Variants in CCSER1 observed in about 807,000 individuals in gnomAD.
The protein encoded by CCSER1 is coiled-coil serine rich protein 1, also known as serine-rich coiled-coil domain-containing protein 1.
In CCSER1, 41 loss-of-function variants were observed where a neutral mutation model predicts 82.0. That is an observed-to-expected ratio of 0.50 (90% CI 0.39 to 0.65). CCSER1 has a LOEUF of 0.65. Ranked by LOEUF, CCSER1 falls within the 30% of genes least tolerant of loss-of-function variation. CCSER1 has a pLI of 0.00. For synonymous variants in CCSER1, 414 were observed against 383.9 expected, an observed-to-expected ratio of 1.08 and a Z score of -0.92; for missense variants, 1,119 against 1,064.2, an observed-to-expected ratio of 1.05 and a Z score of -0.72.
At chr4:91,296,226 G>A (rs1744151114) in intron 10 of CCSER1, among the ~76,000 whole-genome samples, 1 of 151,120 alleles carries the variant, frequency 6.6e-6, no homozygotes, top group South Asian at 2.1e-4. Context: ...GTTTCTGGCA[G>A]CCAAAAAAAG....
intron 4 of CCSER1, among the ~76,000 whole-genome samples, chr4:90,438,119 A>G (rs1298678471): frequency 3.3e-5 from 5 of 152,190 alleles, no homozygotes; most frequent in African/African-American, 7.2e-5. Context: ...TTGATACAGA[A>G]AAGTCAATAC....
At chr4:90,130,678 C>A (rs1453519789) in intron 1 of CCSER1, among the ~76,000 whole-genome samples, 2 of 152,014 alleles carry the variant, frequency 1.3e-5, no homozygotes, top group Non-Finnish European at 2.9e-5. Flanking sequence ...GGCTGGATTT[C>A]AGTGGCGCTA....
intron 10 of CCSER1, among the ~76,000 whole-genome samples, chr4:91,428,965 T>G (rs1050449337): frequency 1.3e-5 from 2 of 152,026 alleles, no homozygotes; most frequent in African/African-American, 4.8e-5. Flanking sequence ...GAGGTCTTCC[T>G]TATGCTTATC....
At chr4:91,429,317 C>A (rs17018506) in intron 10 of CCSER1, among the ~76,000 whole-genome samples, 15,922 of 151,786 alleles carry the variant, frequency 0.1, 855 homozygotes, top group African/African-American at 0.14. Flanking sequence ...CGTTCAAATG[C>A]ATCTTGCAGA....
Position 91,578,344 on chromosome 4 carries a change from G to GA in CCSER1, c.2218-20220dup, listed in dbSNP as rs544325264. Among the ~76,000 whole-genome samples, 85 of 151,108 alleles carry GA rather than the reference G, an allele frequency of 5.6e-4. No individual in the cohort carries two copies. In the East Asian group the frequency reaches 0.013, roughly 24 times the overall value. On this transcript the variant is annotated intron_variant, in intron 10 of 10. Coordinates refer to ENST00000509176, the MANE Select transcript of CCSER1 (RefSeq NM_001145065.2). ...TACTATTCTTTTCAATAAGATTTTT[G>GA]AAAAAAAATTTAAAACCATTTTATT... is the stretch of plus-strand genomic sequence containing the variant.
At chr4:91,569,101 T>C (rs953858183) in intron 10 of CCSER1, among the ~76,000 whole-genome samples, 2 of 152,164 alleles carry the variant, frequency 1.3e-5, no homozygotes, top group Non-Finnish European at 2.9e-5. Flanking sequence ...TTTCAGAAGG[T>C]GGTACATTAG....
In CCSER1 at chr4:91,603,189, A is replaced by G. The variant is rs557762516; in HGVS notation, c.*4132A>G. On this transcript the variant is annotated 3_prime_UTR_variant, in exon 11 of 11. Coordinates refer to ENST00000509176, the MANE Select transcript of CCSER1 (RefSeq NM_001145065.2). ...CTGAATTACACTGTAGTATAAAAGC[A>G]AACAGTCAACTAAGCAACCAAACAA... 3.9e-5 allele frequency: 6 copies of G among 152,254 alleles called. No individual in the cohort carries two copies. The East Asian group carries it at 1.2e-3, about 29-fold the overall frequency. 9.4% of individuals were successfully genotyped at this position (152,254 alleles called of 1,614,324 possible).
chr4:91,033,124 C>A (rs750482069), intron 9 of CCSER1, among the ~76,000 whole-genome samples: 9 of 151,962 alleles, frequency 5.9e-5, no homozygotes, highest in Non-Finnish European at 1.2e-4. Context: ...GTAAGTAATA[C>A]TATTCTACCT....
intron 8 of CCSER1, among the ~76,000 whole-genome samples, chr4:90,863,731 CAAAG>C (rs1765383381): frequency 6.6e-6 from 1 of 151,540 alleles, no homozygotes; most frequent in African/African-American, 2.4e-5. Context: ...AGAAAGGAGA[CAAAG>C]AAAGCAAGGG....
At chr4:90,624,205 T>C (rs1237577642) in intron 5 of CCSER1, among the ~76,000 whole-genome samples, 1 of 152,172 alleles carries the variant, frequency 6.6e-6, no homozygotes, top group Non-Finnish European at 1.5e-5. Flanking sequence ...TTCCCTATAA[T>C]GAAAGATGTC....
chr4:90,747,970 A>G (rs76551171), intron 7 of CCSER1, among the ~76,000 whole-genome samples: 8,615 of 151,778 alleles, frequency 0.057, 348 homozygotes, highest in Admixed American at 0.11. Flanking sequence ...TGTACCTACA[A>G]AGACATGAAC....
chr4:91,544,585 C>G (rs1317916019), intron 10 of CCSER1, among the ~76,000 whole-genome samples: 1 of 152,122 alleles, frequency 6.6e-6, no homozygotes, highest in South Asian at 2.1e-4. Flanking sequence ...CACTCCAGAC[C>G]CTGTTTGCCT....
intron 7 of CCSER1, among the ~76,000 whole-genome samples, chr4:90,783,553 C>T (rs1337800492): frequency 2.6e-5 from 4 of 152,112 alleles, no homozygotes; most frequent in East Asian, 1.9e-4. Context: ...CAGGTTCTTA[C>T]GGTAAGGAAC....
chr4:90,862,851 T>G (rs567737542), intron 8 of CCSER1, among the ~76,000 whole-genome samples: 1 of 151,452 alleles, frequency 6.6e-6, no homozygotes, highest in East Asian at 1.9e-4. Flanking sequence ...TAATAAACTT[T>G]AGGTTCAGAA....
In CCSER1 at chr4:90,403,655, A is replaced by G. The variant is rs117567897; in HGVS notation, c.1603+3526A>G. Among the ~76,000 whole-genome samples, 41 of 152,294 alleles carry G rather than the reference A, an allele frequency of 2.7e-4. No individual in the cohort carries two copies. In the East Asian group the frequency reaches 6.6e-3, roughly 24 times the overall value. On this transcript the variant is annotated intron_variant, in intron 4 of 10. Transcript: ENST00000509176. Reference sequence around the variant, plus strand: ...CAAAAGTCTGAAAAGTGAAATAATGATATCATTATATTCCACTGCTTATAT... The same window carrying G: ...CAAAAGTCTGAAAAGTGAAATAATGGTATCATTATATTCCACTGCTTATAT...
At chr4:91,457,786 G>A (rs1756271918) in intron 10 of CCSER1, among the ~76,000 whole-genome samples, 1 of 151,940 alleles carries the variant, frequency 6.6e-6, no homozygotes, top group African/African-American at 2.4e-5. Flanking sequence ...CAATCAAAAA[G>A]TGTAATTTTT....
At chr4:90,158,036 G>A (rs929183716) in intron 1 of CCSER1, among the ~76,000 whole-genome samples, 10 of 152,146 alleles carry the variant, frequency 6.6e-5, no homozygotes, top group South Asian at 2.1e-4. Context: ...TGATGGTGAT[G>A]TACAGATGGG....
chr4:91,094,859 A>G (rs1410248875), intron 10 of CCSER1, among the ~76,000 whole-genome samples: 4 of 152,134 alleles, frequency 2.6e-5, no homozygotes, highest in Non-Finnish European at 5.9e-5. Flanking sequence ...CTTCAGTTGT[A>G]AAGAGCCCTG....
intron 9 of CCSER1, among the ~76,000 whole-genome samples, chr4:90,967,831 A>G (rs942015629): frequency 1.3e-5 from 2 of 152,114 alleles, no homozygotes; most frequent in Non-Finnish European, 2.9e-5. Context: ...CACTGTTATG[A>G]GAACCTGGGA....
Sources: gnomAD v4.1 joint callset for allele counts (sites outside exome capture counted in the v4.1 genomes callset) on GRCh38, gnomAD v4.1.1 for gene constraint, MANE v1.5 for transcripts, NCBI Gene and HGNC (gene_info 2026-07-23, HGNC 2026-07-21) for gene names.